The following PDE4D variants were observed in gnomAD, a reference collection of about 807,000 sequenced individuals.
PDE4D encodes phosphodiesterase 4D, also known as 3',5'-cyclic-AMP phosphodiesterase 4D.
PDE4D carries 24 observed loss-of-function variants against 87.4 expected under a neutral mutation model. The ratio of observed to expected loss-of-function variants is 0.27; its 90% confidence interval spans 0.20 to 0.39. PDE4D has a LOEUF of 0.39. PDE4D is among the 10% of genes least tolerant of loss of function. PDE4D has a pLI of 1.00. For synonymous variants in PDE4D, 384 were observed against 383.2 expected (o/e 1.00, Z -0.02); for missense variants, 714 against 1,041.0 (o/e 0.69, Z 4.32).
chr5:58,996,289 A>G (rs1209717817), intron 6 of PDE4D, among the ~76,000 whole-genome samples: 1 of 152,180 alleles, frequency 6.6e-6, no homozygotes, highest in East Asian at 1.9e-4. Context: ...ATAATAATTA[A>G]AAAAAATTTG....
intron 1 of PDE4D, among the ~76,000 whole-genome samples, chr5:59,348,513 C>T (rs777265425): frequency 1.3e-5 from 2 of 151,306 alleles, no homozygotes; most frequent in African/African-American, 2.4e-5. Flanking sequence ...CTGTTCTGTT[C>T]ATTTTTGAAT....
At chr5:59,599,663 A>G (rs1007361601) in intron 1 of PDE4D, among the ~76,000 whole-genome samples, 4 of 152,126 alleles carry the variant, frequency 2.6e-5, no homozygotes, top group African/African-American at 9.7e-5. Flanking sequence ...GTCCATTTCA[A>G]ATTGTAACCC....
intron 5 of PDE4D, among the ~76,000 whole-genome samples, chr5:59,100,636 T>C (rs180713127): frequency 6.6e-5 from 10 of 152,226 alleles, no homozygotes; most frequent in Non-Finnish European, 5.9e-5. Context: ...CAGGAGCTAC[T>C]CAATAGTTTG....
chr5:59,193,831 T>A (rs1346510952), intron 2 of PDE4D: 7 of 978,340 alleles, frequency 7.2e-6, no homozygotes, highest in Non-Finnish European at 8.5e-6. Flanking sequence ...GTTCCAGCAG[T>A]GGGGCCTGAG....
rs1040651283 is a variant in PDE4D, at chr5:58,972,995, A to G, written c.*1669T>C. 2.0e-5 allele frequency: 3 copies of G among 152,172 alleles called. No individual in the cohort carries two copies. The highest frequency in any genetic ancestry group is 6.5e-5 in the Admixed American group (1 of 15,270). 9.4% of individuals were successfully genotyped at this position (152,172 alleles called of 1,614,324 possible). A position where few individuals can be genotyped will look rare whatever the true frequency, so the allele number is the denominator to read the frequency against. On this transcript the variant is annotated 3_prime_UTR_variant, in exon 15 of 15. Transcript: ENST00000340635. ...TCCCCTCTGCAAGATATGCTTATGG[A>G]TCGAGGATAAGTGATAAAGGACTTC...
At chr5:59,641,230 T>C (rs1277562632) in intron 1 of PDE4D, among the ~76,000 whole-genome samples, 2 of 152,204 alleles carry the variant, frequency 1.3e-5, no homozygotes, top group African/African-American at 4.8e-5. Flanking sequence ...TTAATGTATG[T>C]TTGGTGCCAC....
intron 1 of PDE4D, among the ~76,000 whole-genome samples, chr5:59,799,683 T>G (rs977555744): frequency 2.0e-5 from 3 of 152,206 alleles, no homozygotes; most frequent in African/African-American, 7.2e-5. Context: ...TTTGTCTTGC[T>G]GGGGAAATTA....
At chr5:59,468,144 G>A (rs1216149867) in intron 1 of PDE4D, among the ~76,000 whole-genome samples, 1 of 152,148 alleles carries the variant, frequency 6.6e-6, no homozygotes. Context: ...TAACCAATAA[G>A]CAGGTGTAAA....
At chr5:59,293,330 G>A (rs1356256422) in intron 1 of PDE4D, among the ~76,000 whole-genome samples, 1 of 152,046 alleles carries the variant, frequency 6.6e-6, no homozygotes, top group Admixed American at 6.6e-5. Flanking sequence ...AGCATTGCTG[G>A]TGGCCCCACC....
In PDE4D at chr5:60,173,666, A is replaced by C. The variant is rs571588498; in HGVS notation, c.42+11891T>G. Among the ~76,000 whole-genome samples the C allele has an allele frequency of 2.6e-5, 4 of 152,234 alleles. No individual in the cohort carries two copies. The East Asian group carries it at 7.7e-4, about 29-fold the overall frequency. ...TTGTGAAAAGACATAGATTCAAAAC[A>C]CTTAGTACACTATTAATAGGAAAAA... On this transcript the variant is annotated intron_variant, in intron 2 of 16. Coordinates refer to the PDE4D transcript ENST00000502484.
intron 1 of PDE4D, among the ~76,000 whole-genome samples, chr5:60,201,298 T>C (rs950376719): frequency 2.7e-5 from 4 of 149,380 alleles, no homozygotes; most frequent in Non-Finnish European, 6.0e-5. Flanking sequence ...ATACCAACAA[T>C]TTGAAATATA....
intron 1 of PDE4D, among the ~76,000 whole-genome samples, chr5:60,513,276 C>T (rs962526219): frequency 4.6e-5 from 7 of 151,980 alleles, no homozygotes; most frequent in African/African-American, 7.2e-5. Context: ...GCAGGCACTA[C>T]CCCAGAATAA....
At chr5:60,056,359 G>A (rs1372682979) in intron 2 of PDE4D, among the ~76,000 whole-genome samples, 2 of 152,022 alleles carry the variant, frequency 1.3e-5, no homozygotes, top group East Asian at 1.9e-4. Context: ...CTGCTCAAAT[G>A]TCTGTCATAA....
At chr5:60,301,990 T>C (rs749597519) in intron 1 of PDE4D, among the ~76,000 whole-genome samples, 5 of 152,218 alleles carry the variant, frequency 3.3e-5, no homozygotes, top group Admixed American at 6.5e-5. Context: ...GATTTGCATA[T>C]GTTGATACAA....
intron 1 of PDE4D, among the ~76,000 whole-genome samples, chr5:59,693,137 GTA>G (rs59547926): frequency 0.18 from 27,937 of 151,626 alleles, 3,129 homozygotes; most frequent in South Asian, 0.26. Flanking sequence ...CCCTGAAATT[GTA>G]TATGTTTTCA....
chr5:59,600,732 C>G (rs1442215712), intron 1 of PDE4D, among the ~76,000 whole-genome samples: 1 of 152,130 alleles, frequency 6.6e-6, no homozygotes, highest in African/African-American at 2.4e-5. Context: ...TGCTACAAAA[C>G]ACACTTCAAA....
At chr5:59,005,877 A>C (rs2153358496) in intron 6 of PDE4D, among the ~76,000 whole-genome samples, 1 of 152,306 alleles carries the variant, frequency 6.6e-6, no homozygotes, top group African/African-American at 2.4e-5. Flanking sequence ...AAACTCTATG[A>C]TAAACAGTAT....
chr5:60,310,343 G>C (rs1259772483), intron 1 of PDE4D, among the ~76,000 whole-genome samples: 1 of 152,164 alleles, frequency 6.6e-6, no homozygotes, highest in Non-Finnish European at 1.5e-5. Flanking sequence ...TTTGCTTTAT[G>C]ATGGCCAGGA....
At chr5:59,763,431 T>C (rs1762422806) in intron 1 of PDE4D, among the ~76,000 whole-genome samples, 1 of 152,172 alleles carries the variant, frequency 6.6e-6, no homozygotes, top group Non-Finnish European at 1.5e-5. Flanking sequence ...CTAAATTACT[T>C]TTTAAAAGAA....
Sources: allele counts gnomAD v4.1 joint callset (sites outside exome capture counted in the v4.1 genomes callset), GRCh38; gene constraint gnomAD v4.1.1; transcripts MANE v1.5; gene names NCBI Gene and HGNC (gene_info 2026-07-23, HGNC 2026-07-21).